Variants in SIPA1L3 observed in about 807,000 individuals in gnomAD.
The protein encoded by SIPA1L3 is signal-induced proliferation-associated 1-like protein 3.
Under a neutral mutation model 150.1 loss-of-function variants are expected in SIPA1L3, and 59 were observed. The observed-to-expected ratio is 0.39, with a 90% CI of 0.32 to 0.49. The LOEUF (loss-of-function observed/expected upper bound fraction) is 0.49, where lower values mean the gene tolerates loss of function less well. Among genes scored for constraint, SIPA1L3 ranks in the 20% least tolerant of loss-of-function variants. The pLI is 0.86. For synonymous variants in SIPA1L3, 1,070 were observed against 1,077.6 expected, an observed-to-expected ratio of 0.99 and a Z score of 0.14; for missense variants, 2,211 against 2,489.5, an observed-to-expected ratio of 0.89 and a Z score of 2.38.
intron 1 of SIPA1L3, among the ~76,000 whole-genome samples, chr19:38,012,323 C>T (rs548447899): frequency 3.9e-5 from 6 of 152,090 alleles, no homozygotes; most frequent in East Asian, 1.9e-4. Flanking sequence ...TGACCTCAAG[C>T]GTTCCTCCCA....
chr19:38,203,868 G>A (rs1044249827), intron 20 of SIPA1L3: 9 of 477,054 alleles, frequency 1.9e-5, no homozygotes, highest in African/African-American at 4.0e-5. Context: ...CAGGGAAAAC[G>A]CACACTTAAG....
chr19:38,127,636 G>A (rs1000458482), intron 9 of SIPA1L3, among the ~76,000 whole-genome samples: 5 of 152,154 alleles, frequency 3.3e-5, no homozygotes, highest in Non-Finnish European at 4.4e-5. Context: ...GACTGCAAGC[G>A]TATGCCACCA....
Position 38,082,026 on chromosome 19 carries a change from G to T in SIPA1L3, c.461G>T (p.Gly154Val). 1 of 1,614,102 alleles carries T rather than the reference G, an allele frequency of 6.2e-7. No individual in the cohort carries two copies. Among genetic ancestry groups the T allele is most frequent in the Non-Finnish European group, 8.5e-7 (1 of 1,179,994 alleles). Residue 154 changes from glycine (G) to valine (V), a missense_variant, in exon 3 of 22, where the codon GGG becomes GTG. Gly to Val is a moderately radical substitution (Grantham distance 109). This residue lies in a region of SIPA1L3 where 587 missense variants were observed against 534.5 expected (regional missense o/e 1.10). Transcript: ENST00000222345. ...TCCAAAGACGTGGAGTTCCAGGACGGGTGGCCCCGGTCCCCCGGCAGGGCC... is the reference window on the plus strand; with the variant it reads ...TCCAAAGACGTGGAGTTCCAGGACGTGTGGCCCCGGTCCCCCGGCAGGGCC... ...RRSKDVEFQD[G>V]WPRSPGRAFL...
At chr19:38,001,750 T>C (rs2145660462) in intron 1 of SIPA1L3, among the ~76,000 whole-genome samples, 1 of 152,320 alleles carries the variant, frequency 6.6e-6, no homozygotes, top group South Asian at 2.1e-4. Context: ...AGTACTTTTT[T>C]ATTATGATAA....
chr19:38,004,729 G>T (rs1404744186), intron 1 of SIPA1L3, among the ~76,000 whole-genome samples: 1 of 152,180 alleles, frequency 6.6e-6, no homozygotes, highest in East Asian at 1.9e-4. Flanking sequence ...GCTCACACTA[G>T]CAGGCTGGTT....
At chr19:38,088,224 G>A (rs1165136198) in intron 3 of SIPA1L3, among the ~76,000 whole-genome samples, 2 of 152,248 alleles carry the variant, frequency 1.3e-5, no homozygotes, top group Non-Finnish European at 2.9e-5. Flanking sequence ...GCTATCTAGC[G>A]ACTTGGCTGG....
intron 1 of SIPA1L3, among the ~76,000 whole-genome samples, chr19:37,919,705 C>CTTTTTTTTTTTT (rs10644508): frequency 1.2e-5 from 1 of 84,256 alleles, no homozygotes; most frequent in African/African-American, 5.0e-5. Context: ...GGCCCTGAGG[C>CTTTTTTTTTTTT]TTTTTTTTTT....
chr19:38,198,080 C>A (rs894305595), intron 18 of SIPA1L3, among the ~76,000 whole-genome samples: 7 of 152,222 alleles, frequency 4.6e-5, no homozygotes, highest in African/African-American at 1.7e-4. Flanking sequence ...ACCTTCCAGG[C>A]ACACTCCTGC....
intron 4 of SIPA1L3, among the ~76,000 whole-genome samples, chr19:38,092,586 G>T (rs1464892912): frequency 6.6e-6 from 1 of 152,174 alleles, no homozygotes; most frequent in East Asian, 1.9e-4. Flanking sequence ...CCTGATGACA[G>T]CACGGGGACT....
At chr19:38,194,472 C>T (rs1972876913) in intron 18 of SIPA1L3, among the ~76,000 whole-genome samples, 1 of 152,168 alleles carries the variant, frequency 6.6e-6, no homozygotes, top group African/African-American at 2.4e-5. Context: ...CATAGTCCCC[C>T]TACTTAGTGC....
In SIPA1L3 at chr19:38,197,671, C is replaced by T. The variant is rs141482335; in HGVS notation, c.4841-718C>T. ...TTCTGATCCCCCACCCCAGCCTTCC[C>T]GATCAGAGCCGCAATCCTGGCCCTT... On this transcript the variant is annotated intron_variant, in intron 18 of 21. Transcript: ENST00000222345. Among the ~76,000 whole-genome samples the T allele has an allele frequency of 7.0e-4, 107 of 151,986 alleles. 1 individual carries two copies. The East Asian group carries it at 0.011, about 16-fold the overall frequency.
At chr19:38,138,904 A>AAAAAAAAAAAAAAAAAAC (rs796466811) in intron 10 of SIPA1L3, among the ~76,000 whole-genome samples, 1 of 86,932 alleles carries the variant, frequency 1.2e-5, no homozygotes, top group African/African-American at 1.1e-4. Flanking sequence ...TCTCAAAAAA[A>AAAAAAAAAAAAAAAAAAC]AAAAAAAAAA....
At chr19:37,947,848 T>C (rs918608384) in intron 1 of SIPA1L3, among the ~76,000 whole-genome samples, 2 of 152,318 alleles carry the variant, frequency 1.3e-5, no homozygotes, top group Admixed American at 1.3e-4. Flanking sequence ...CAAATCTCCC[T>C]TTTGTCCACC....
At chr19:38,142,277 G>A (rs1971603963) in intron 11 of SIPA1L3, among the ~76,000 whole-genome samples, 1 of 152,202 alleles carries the variant, frequency 6.6e-6, no homozygotes, top group African/African-American at 2.4e-5. Flanking sequence ...TTGTCCCCAG[G>A]GGGCAGAGGC....
chr19:38,141,181 C>G lies in SIPA1L3; in HGVS notation c.3144-3C>G, dbSNP rs764535658. The G allele has an allele frequency of 6.3e-7, 1 of 1,578,580 alleles. No homozygotes were observed. ...TTCTGAGTAATGCAGTTTTTCTCCC[C>G]AGGGGTTGGCCGGAGACCTACGACA... is the stretch of plus-strand genomic sequence containing the variant. On this transcript the variant is annotated splice_polypyrimidine_tract_variant and splice_region_variant and intron_variant, in intron 10 of 21. Coordinates refer to ENST00000222345, the MANE Select transcript of SIPA1L3 (RefSeq NM_015073.3).
intron 21 of SIPA1L3, among the ~76,000 whole-genome samples, chr19:38,205,757 C>T (rs1034528015): frequency 2.0e-5 from 3 of 152,126 alleles, no homozygotes; most frequent in East Asian, 1.9e-4. Context: ...CTAGGGACAG[C>T]GACAGTCCCC....
At chr19:38,127,117 A>G (rs950083900) in intron 9 of SIPA1L3, among the ~76,000 whole-genome samples, 2 of 152,122 alleles carry the variant, frequency 1.3e-5, no homozygotes, top group African/African-American at 4.8e-5. Context: ...GCTTGAATCC[A>G]GGAAGCGGAG....
In SIPA1L3 at chr19:38,088,855, G is replaced by A. The variant is rs887321358; in HGVS notation, c.1665+4G>A. 2 of 1,613,560 alleles carry A rather than the reference G, an allele frequency of 1.2e-6. No individual in the cohort carries two copies. Among genetic ancestry groups the A allele is most frequent in the Middle Eastern group, 1.7e-4 (1 of 6,054 alleles). ...GATCATCTTCCGGACCCGCGAGGTA[G>A]GTCCCATCACTCTCGTTCTTATTAA... On this transcript the variant is annotated splice_donor_region_variant and intron_variant, in intron 4 of 21. Coordinates refer to ENST00000222345, the MANE Select transcript of SIPA1L3 (RefSeq NM_015073.3).
intron 1 of SIPA1L3, among the ~76,000 whole-genome samples, chr19:37,958,286 A>T (rs1434032807): frequency 6.6e-6 from 1 of 152,102 alleles, no homozygotes; most frequent in Non-Finnish European, 1.5e-5. Context: ...TTAGCTGGGC[A>T]TGGTGGTGTG....
Sources: allele counts gnomAD v4.1 joint callset (sites outside exome capture counted in the v4.1 genomes callset), GRCh38; gene constraint gnomAD v4.1.1; regional missense constraint gnomAD v4.1.1; transcripts MANE v1.5; gene names NCBI Gene and HGNC (gene_info 2026-07-23, HGNC 2026-07-21).